The following PPARGC1A variants were observed in gnomAD, a reference collection of about 807,000 sequenced individuals.
PPARGC1A encodes PPARG coactivator 1 alpha.
Under a neutral mutation model 88.7 loss-of-function variants are expected in PPARGC1A, and 25 were observed. The ratio of observed to expected loss-of-function variants is 0.28; its 90% CI spans 0.21 to 0.39. The LOEUF (loss-of-function observed/expected upper bound fraction) is 0.39. Among genes scored for constraint, PPARGC1A ranks in the 10% least tolerant of loss-of-function variants. The probability of loss-of-function intolerance (pLI) is 1.00; values close to 1 mark genes in which losing one functional copy is unlikely to be tolerated. For missense variants in PPARGC1A, 880 were observed against 968.7 expected, an observed-to-expected ratio of 0.91 and a Z score of 1.22; for synonymous variants, 363 against 355.6, an observed-to-expected ratio of 1.02 and a Z score of -0.24.
At chr4:24,263,121 C>T in the PPARGC1A span, among the ~76,000 whole-genome samples, 2 of 152,174 alleles carry the variant, frequency 1.3e-5, no homozygotes, top group African/African-American at 4.8e-5. Context: ...TAACCATTTA[C>T]TCTTTTTCTA....
chr4:23,803,439 C>G (rs536564602), intron 10 of PPARGC1A, among the ~76,000 whole-genome samples: 1 of 152,150 alleles, frequency 6.6e-6, no homozygotes, highest in South Asian at 2.1e-4. Context: ...AGGGGTGTGG[C>G]CTAATTTTCA....
At chr4:24,007,629 T>C in the PPARGC1A span, among the ~76,000 whole-genome samples, 700 of 152,212 alleles carry the variant, frequency 4.6e-3, 3 homozygotes, top group Middle Eastern at 0.02. Context: ...GATTTAAGTA[T>C]AGCTTTGAGA....
the PPARGC1A span, among the ~76,000 whole-genome samples, chr4:24,223,513 G>A: frequency 6.6e-6 from 1 of 152,120 alleles, no homozygotes; most frequent in African/African-American, 2.4e-5. Context: ...GCCTCCCAAG[G>A]TGCTGAGATT....
chr4:23,875,839 T>A (rs1041873947), intron 2 of PPARGC1A: 5 of 152,310 alleles, frequency 3.3e-5, no homozygotes, highest in Admixed American at 6.5e-5. Context: ...TTGCTTAGAT[T>A]TATTGCTATG....
At chr4:23,996,516 C>T in the PPARGC1A span, among the ~76,000 whole-genome samples, 2 of 152,288 alleles carry the variant, frequency 1.3e-5, no homozygotes, top group African/African-American at 2.4e-5. Context: ...GATCATCTCA[C>T]AGGGCCTGGC....
chr4:24,258,683 CAGTTTGTT>C, the PPARGC1A span, among the ~76,000 whole-genome samples: 4 of 152,116 alleles, frequency 2.6e-5, no homozygotes, highest in Admixed American at 1.3e-4. Context: ...TACTACTGTT[CAGTTTGTT>C]ATATACTTAT....
chr4:24,452,276 C>T, the PPARGC1A span, among the ~76,000 whole-genome samples: 1 of 151,468 alleles, frequency 6.6e-6, no homozygotes, highest in Non-Finnish European at 1.5e-5. Flanking sequence ...CACACACACA[C>T]ACACACGCAC....
At chr4:24,123,570 T>TA in the PPARGC1A span, among the ~76,000 whole-genome samples, 7 of 151,732 alleles carry the variant, frequency 4.6e-5, no homozygotes, top group South Asian at 2.1e-4. Context: ...GGACTGAGGT[T>TA]AAAAAAAAGG....
the PPARGC1A span, among the ~76,000 whole-genome samples, chr4:24,197,675 C>CA: frequency 6.6e-6 from 1 of 152,054 alleles, no homozygotes; most frequent in Non-Finnish European, 1.5e-5. Flanking sequence ...ATGTCTCTTT[C>CA]AAAAAAATCC....
chr4:24,170,741 C>T, the PPARGC1A span, among the ~76,000 whole-genome samples: 1 of 152,166 alleles, frequency 6.6e-6, no homozygotes, highest in Admixed American at 6.5e-5. Context: ...TGCAAGGGAC[C>T]TGAAAAGCTG....
the PPARGC1A span, among the ~76,000 whole-genome samples, chr4:24,036,618 T>TAA: frequency 0.19 from 27,872 of 147,510 alleles, 2,901 homozygotes; most frequent in Admixed American, 0.34. Context: ...CTTTTTGTAG[T>TAA]AAAAAAAAAA....
At chr4:24,226,761 C>T in the PPARGC1A span, among the ~76,000 whole-genome samples, 5 of 152,160 alleles carry the variant, frequency 3.3e-5, no homozygotes, top group South Asian at 2.1e-4. Context: ...GATAATTAGT[C>T]GTTGCCTTCC....
chr4:24,038,589 C>T, the PPARGC1A span, among the ~76,000 whole-genome samples: 3 of 152,092 alleles, frequency 2.0e-5, no homozygotes, highest in East Asian at 1.9e-4. Flanking sequence ...ATATCCAGAC[C>T]CTGAAACCAC....
upstream of PPARGC1A, chr4:23,904,203 T>C (rs758419915): frequency 1.8e-5 from 4 of 216,852 alleles, no homozygotes; most frequent in Non-Finnish European, 3.1e-5. Context: ...TGAAACCCAA[T>C]CTTAGCCAGA....
chr4:24,352,180 G>A, the PPARGC1A span, among the ~76,000 whole-genome samples: 3 of 152,152 alleles, frequency 2.0e-5, no homozygotes, highest in East Asian at 1.9e-4. Flanking sequence ...AGGGACAGGA[G>A]GGGAATGGCA....
the PPARGC1A span, among the ~76,000 whole-genome samples, chr4:24,016,206 C>A: frequency 2.0e-5 from 3 of 152,136 alleles, no homozygotes; most frequent in Admixed American, 1.3e-4. Context: ...GAATTTGAAT[C>A]ACCAATACAT....
chr4:24,467,736 A>G, the PPARGC1A span, among the ~76,000 whole-genome samples: 1 of 152,114 alleles, frequency 6.6e-6, no homozygotes, highest in African/African-American at 2.4e-5. Flanking sequence ...CTGCACTGAA[A>G]CTTCTACCTT....
At chr4:24,400,303 A>G in the PPARGC1A span, among the ~76,000 whole-genome samples, 3 of 152,178 alleles carry the variant, frequency 2.0e-5, no homozygotes, top group Non-Finnish European at 4.4e-5. Flanking sequence ...GCACAATCTA[A>G]TCAGCTTCCA....
the PPARGC1A span, among the ~76,000 whole-genome samples, chr4:24,440,214 G>T: frequency 6.6e-6 from 1 of 152,200 alleles, no homozygotes; most frequent in South Asian, 2.1e-4. Flanking sequence ...GTGTTCAGAG[G>T]TGGACCAGAA....
Sources: gnomAD v4.1 joint callset for allele counts (sites outside exome capture counted in the v4.1 genomes callset) on GRCh38, gnomAD v4.1.1 for gene constraint, MANE v1.5 for transcripts, NCBI Gene and HGNC (gene_info 2026-07-23, HGNC 2026-07-21) for gene names.